The following LYRM2 variants were observed in gnomAD, a reference collection of about 807,000 sequenced individuals.
LYRM2 encodes LYR motif containing 2.
A neutral mutation model predicts 11.6 loss-of-function variants in LYRM2; 8 were observed. That is an observed-to-expected ratio of 0.69 (90% CI 0.40 to 1.24). The LOEUF (loss-of-function observed/expected upper bound fraction) is 1.24, where lower values mean the gene tolerates loss of function less well. Among genes scored for constraint, LYRM2 ranks in the 50% most tolerant of loss-of-function variants. LYRM2 has a pLI of 0.01. For missense variants in LYRM2, 117 were observed against 102.9 expected, an observed-to-expected ratio of 1.14 and a Z score of -0.59; for synonymous variants, 30 against 36.4, an observed-to-expected ratio of 0.83 and a Z score of 0.63.
intron 1 of LYRM2, 25 bp from the exon 2 acceptor site, chr6:89,637,907 A>C (rs1037204708): frequency 6.2e-7 from 1 of 1,606,690 alleles, no homozygotes; most frequent in African/African-American, 1.3e-5. Context: ...AGTAAATAGC[A>C]ATTACTACTG....
Position 89,636,711 on chromosome 6 carries a change from A to ACTC in LYRM2, c.*559_*561dup, listed in dbSNP as rs1398760297. ...TTTTTTTTTTTTTAGAGACTGTCTC[A>ACTC]CTCTGTCACCCAGGCTGAAGTGCAG... On this transcript the variant is annotated 3_prime_UTR_variant, in exon 3 of 3. Transcript: ENST00000523377. 1 of 137,468 alleles carries ACTC rather than the reference A, an allele frequency of 7.3e-6. No individual in the cohort carries two copies. Among genetic ancestry groups the ACTC allele is most frequent in the African/African-American group, 2.7e-5 (1 of 36,840 alleles). The allele number at this position is 137,468 out of a possible 1,614,324, so 8.5% of individuals were successfully genotyped here.
At chr6:89,638,574 TCAGGA>T in intron 1 of LYRM2, 93 bp downstream of exon 1, 1 of 1,601,938 alleles carries the variant, frequency 6.2e-7, no homozygotes, top group South Asian at 1.1e-5. Context: ...GCACGCCGCA[TCAGGA>T]CCCCGGAACC....
intron 1 of LYRM2, chr6:89,638,371 T>C (rs1269122055): frequency 7.6e-7 from 1 of 1,310,294 alleles, no homozygotes; most frequent in African/African-American, 1.5e-5. Context: ...TCTCATTTGC[T>C]GTTTGCCACA....
rs564920692 is a variant in LYRM2 at position 89,638,664 on chromosome 6, G to A, written c.45+8C>T. ...AAGCTGCTTTGGAAGGCAGAGAACC[G>A]CCGGTACCTGCTTTAACGTTAGCGT... On this transcript the variant is annotated splice_region_variant and intron_variant, in intron 1 of 2. Transcript: ENST00000523377. 22 of 1,613,942 alleles carry A rather than the reference G, an allele frequency of 1.4e-5. No homozygotes were observed. The African/African-American group carries it at 2.5e-4, about 19-fold the overall frequency.
chr6:89,635,686 A>G lies in LYRM2; in HGVS notation c.*1587T>C, dbSNP rs544681815. ...GATGGATGATTCCAACATCTTCCAC[A>G]AGCTTTCACTTTCACTAAATTATTT... On this transcript the variant is annotated 3_prime_UTR_variant, in exon 3 of 3. Coordinates refer to ENST00000523377, the MANE Select transcript of LYRM2 (RefSeq NM_020466.5). 2.1e-4 allele frequency: 32 copies of G among 152,356 alleles called. No homozygotes were observed. Among genetic ancestry groups the G allele is most frequent in the African/African-American group, 7.7e-4 (32 of 41,586 alleles). 9.4% of individuals were successfully genotyped at this position (152,356 alleles called of 1,614,324 possible). A position where few individuals can be genotyped will look rare whatever the true frequency, so the allele number is the denominator to read the frequency against.
intron 1 of LYRM2, 51 bp from the exon 2 acceptor site, chr6:89,637,933 G>A (rs1048534232): frequency 1.3e-6 from 2 of 1,534,862 alleles, no homozygotes; most frequent in Non-Finnish European, 1.8e-6. Flanking sequence ...TCGCCAGCCT[G>A]GAAAGTTCTA....
rs563943718 is a variant in LYRM2, at chr6:89,634,530, T to C, written c.*2743A>G. ...AGACTAGCCTGGCAACAAAGTGAGATTCCCCCTCCTCTCTCTGAAAAGTAA... is the reference window on the plus strand; with the variant it reads ...AGACTAGCCTGGCAACAAAGTGAGACTCCCCCTCCTCTCTCTGAAAAGTAA... On this transcript the variant is annotated 3_prime_UTR_variant, in exon 3 of 3. Transcript: ENST00000523377. 6.6e-6 allele frequency: 1 copy of C among 151,628 alleles called. No homozygotes were observed. The highest frequency in any genetic ancestry group is 2.1e-4 in the South Asian group (1 of 4,786). The allele number at this position is 151,628 out of a possible 1,614,324, so 9.4% of individuals were successfully genotyped here.
chr6:89,637,890 AG>A lies in LYRM2; in HGVS notation c.46-9del. 1 of 1,611,776 alleles carries A rather than the reference AG, an allele frequency of 6.2e-7. No homozygotes were observed. The highest frequency in any genetic ancestry group is 2.2e-5 in the East Asian group (1 of 44,800). On this transcript the variant is annotated splice_polypyrimidine_tract_variant and intron_variant, in intron 1 of 2. Coordinates refer to ENST00000523377, the MANE Select transcript of LYRM2 (RefSeq NM_020466.5). ...TTGTTGCCTTCTTACGAACTGTAAA[AG>A]GGAGGAGTAAATAGCAATTACTACT...
In LYRM2 at chr6:89,633,098, G is replaced by T. The variant is rs1807719516; in HGVS notation, c.*4175C>A. ...GCAGGCAGCTAATATTGTGAACTGA[G>T]TATTTTTGTCAAAAGTCACAGGGAA... On this transcript the variant is annotated 3_prime_UTR_variant, in exon 3 of 3. Coordinates refer to ENST00000523377, the MANE Select transcript of LYRM2 (RefSeq NM_020466.5). The T allele has an allele frequency of 6.6e-6, 1 of 152,278 alleles. No homozygotes were observed. Among genetic ancestry groups the T allele is most frequent in the Non-Finnish European group, 1.5e-5 (1 of 68,022 alleles). The allele number at this position is 152,278 out of a possible 1,614,324, so 9.4% of individuals were successfully genotyped here.
At chr6:89,638,553 TCA>T in intron 1 of LYRM2, 117 bp downstream of exon 1, 1 of 1,590,582 alleles carries the variant, frequency 6.3e-7, no homozygotes, top group Non-Finnish European at 8.6e-7. Flanking sequence ...CGGGCCAATC[TCA>T]GAGGGCGCGC....
intron 1 of LYRM2, chr6:89,638,365 A>G: frequency 7.7e-7 from 1 of 1,298,444 alleles, no homozygotes; most frequent in Non-Finnish European, 9.8e-7. Flanking sequence ...TGGTAATCTC[A>G]TTTGCTGTTT....
rs1808027546 is a variant in LYRM2 at position 89,637,127 on chromosome 6, A to G, written c.*146T>C. 1.9e-6 allele frequency: 1 copy of G among 525,212 alleles called. No individual in the cohort carries two copies. 32.5% of individuals were successfully genotyped at this position (525,212 alleles called of 1,614,324 possible). A position where few individuals can be genotyped will look rare whatever the true frequency, so the allele number is the denominator to read the frequency against. ...GGGTATGTTTTTCAGTGTTAAGGCA[A>G]CTGTTCTGATGTGTTTTTCCTTTGC... On this transcript the variant is annotated 3_prime_UTR_variant, in exon 3 of 3. Transcript: ENST00000523377.
chr6:89,637,646 G>C, intron 2 of LYRM2, 96 bp downstream of exon 2: 1 of 1,157,120 alleles, frequency 8.6e-7, no homozygotes, highest in Non-Finnish European at 1.2e-6. Flanking sequence ...CAGCTCAGTG[G>C]CACTATATTC....
At chr6:89,638,406 T>C in intron 1 of LYRM2, 1 of 1,408,400 alleles carries the variant, frequency 7.1e-7, no homozygotes, top group East Asian at 2.7e-5. Context: ...ACTTTTACCG[T>C]GGGCACTGGG....
chr6:89,638,747 C>G lies in LYRM2; in HGVS notation c.-31G>C. ...CCAGAGGTCCGCCGGAGCCTCAGCG[C>G]GCAGGAGCGGAAGTGGGGTTCGACC... On this transcript the variant is annotated 5_prime_UTR_variant, in exon 1 of 3. Coordinates refer to ENST00000523377, the MANE Select transcript of LYRM2 (RefSeq NM_020466.5). The G allele has an allele frequency of 6.2e-7, 1 of 1,611,058 alleles. No individual in the cohort carries two copies. The highest frequency in any genetic ancestry group is 8.5e-7 in the Non-Finnish European group (1 of 1,178,526).
chr6:89,638,456 C>A, intron 1 of LYRM2: 1 of 1,463,128 alleles, frequency 6.8e-7, no homozygotes, highest in East Asian at 2.5e-5. Flanking sequence ...AAGCGCCTGA[C>A]GCTGTCTCAC....
rs1807770637 is a variant in LYRM2 at position 89,633,338 on chromosome 6, A to G, written c.*3935T>C. The G allele has an allele frequency of 6.6e-6, 1 of 152,222 alleles. No homozygotes were observed. Among genetic ancestry groups the G allele is most frequent in the Non-Finnish European group, 1.5e-5 (1 of 68,032 alleles). The allele number at this position is 152,222 out of a possible 1,614,324, so 9.4% of individuals were successfully genotyped here. On this transcript the variant is annotated 3_prime_UTR_variant, in exon 3 of 3. Coordinates refer to ENST00000523377, the MANE Select transcript of LYRM2 (RefSeq NM_020466.5). Reference sequence around the variant, plus strand: ...GCAAATGTTGTTTCATCTGTTTTTGATCCTTGGCATTGTCAAAAACTTAAC... The same window carrying G: ...GCAAATGTTGTTTCATCTGTTTTTGGTCCTTGGCATTGTCAAAAACTTAAC...
At chr6:89,637,992 GA>G in intron 1 of LYRM2, 110 bp from the exon 2 acceptor site, 3 of 1,188,332 alleles carry the variant, frequency 2.5e-6, no homozygotes, top group South Asian at 1.6e-5. Flanking sequence ...GGTCAATTTT[GA>G]AAAAGGCAAA....
rs1807783449 is a variant in LYRM2, at chr6:89,633,395, T to C, written c.*3878A>G. 6.6e-6 allele frequency: 1 copy of C among 152,204 alleles called. No individual in the cohort carries two copies. Among genetic ancestry groups the C allele is most frequent in the African/African-American group, 2.4e-5 (1 of 41,440 alleles). 9.4% of individuals were successfully genotyped at this position (152,204 alleles called of 1,614,324 possible). ...TCCAGTGTATATTTTTCCTTATTTT[T>C]CCCTTTTAGCTATCTGCTAAAGTGA... On this transcript the variant is annotated 3_prime_UTR_variant, in exon 3 of 3. Transcript: ENST00000523377.
Sources: allele counts gnomAD v4.1 joint callset, GRCh38; gene constraint gnomAD v4.1.1; transcripts MANE v1.5; gene names NCBI Gene and HGNC (gene_info 2026-07-23, HGNC 2026-07-21).